Variants in CABLES1 observed in about 807,000 individuals in gnomAD.
CABLES1 encodes the protein CDK5 and ABL1 enzyme substrate 1.
Under a neutral mutation model 57.8 loss-of-function variants are expected in CABLES1, and 36 were observed. That is an observed-to-expected ratio of 0.62 (90% CI 0.48 to 0.82). The LOEUF is 0.82. CABLES1 is among the 40% of genes least tolerant of loss of function. The pLI, the probability that CABLES1 is intolerant of heterozygous loss-of-function variation, is 0.00. For synonymous variants in CABLES1, 374 were observed against 363.0 expected (o/e 1.03, Z -0.35); for missense variants, 767 against 836.6 (o/e 0.92, Z 1.03).
rs573079087 is a variant in CABLES1 at position 23,253,745 on chromosome 18, C to T, written c.1570C>T (p.Arg524Trp). 31 of 1,614,074 alleles carry T rather than the reference C, an allele frequency of 1.9e-5. No homozygotes were observed. The highest frequency in any genetic ancestry group is 5.0e-5 in the Admixed American group (3 of 60,020). ...SKIRSLKREMRKLAQEDCGLE... is the reference protein window; with the variant it reads ...SKIRSLKREMWKLAQEDCGLE... ...TTTCTCCAGTCTGAAACGAGAGATG[C>T]GGAAGCTTGCGCAGGAGGACTGTGG... The change falls in exon 9 of 10, where the codon CGG (arginine) becomes TGG (tryptophan). Residue 524 changes from arginine (R) to tryptophan (W), a missense_variant. Physicochemically the swap from Arg to Trp is moderately radical, Grantham distance 101. This residue lies in a region of CABLES1 where 529 missense variants were observed against 622.8 expected (regional missense o/e 0.85). Coordinates refer to ENST00000256925, the MANE Select transcript of CABLES1 (RefSeq NM_001100619.3).
chr18:23,187,049 C>T (rs780960063), intron 1 of CABLES1, among the ~76,000 whole-genome samples: 29 of 152,178 alleles, frequency 1.9e-4, no homozygotes, highest in Non-Finnish European at 3.2e-4. Context: ...AGCTCTGTCC[C>T]CTGAGTTACG....
At chr18:23,238,607 C>G (rs1026375248) in intron 7 of CABLES1, among the ~76,000 whole-genome samples, 1 of 152,206 alleles carries the variant, frequency 6.6e-6, no homozygotes, top group Admixed American at 6.5e-5. Context: ...AATAAGTGTT[C>G]AATAAATGAC....
intron 2 of CABLES1, chr18:23,190,407 G>A (rs1292250140): frequency 6.6e-6 from 1 of 152,210 alleles, no homozygotes. Flanking sequence ...AGGAAACCGG[G>A]TGACTCGGGG....
chr18:23,165,543 C>T (rs2047036524), intron 1 of CABLES1, among the ~76,000 whole-genome samples: 1 of 152,016 alleles, frequency 6.6e-6, no homozygotes, highest in Non-Finnish European at 1.5e-5. Context: ...CCCCCAGTCC[C>T]TGGCAACCAC....
At chr18:23,233,703 G>C (rs181420679) in intron 4 of CABLES1, among the ~76,000 whole-genome samples, 1 of 152,188 alleles carries the variant, frequency 6.6e-6, no homozygotes, top group African/African-American at 2.4e-5. Flanking sequence ...ACAGAGCAAG[G>C]CTTCATCCCT....
intron 3 of CABLES1, among the ~76,000 whole-genome samples, chr18:23,205,025 C>G (rs1351077533): frequency 3.3e-5 from 5 of 152,160 alleles, no homozygotes; most frequent in African/African-American, 1.2e-4. Context: ...AGACATCAGT[C>G]CTTGGTCTGC....
chr18:23,155,497 T>G (rs4308051), intron 1 of CABLES1, among the ~76,000 whole-genome samples: 123,029 of 152,244 alleles, frequency 0.81, 50,090 homozygotes, highest in African/African-American at 0.88. Flanking sequence ...GATGCCCAAG[T>G]GAGGAAGTCT....
Position 23,246,627 on chromosome 18 carries a change from G to A in CABLES1, c.1447-6333G>A, listed in dbSNP as rs372445228. Reference sequence around the variant, plus strand: ...AGGATGGTCTCGATCTCCTGACCTTGTGATCCGCCCACCTTGGCCTCCCAA... The same window carrying A: ...AGGATGGTCTCGATCTCCTGACCTTATGATCCGCCCACCTTGGCCTCCCAA... On this transcript the variant is annotated intron_variant, in intron 7 of 9. Transcript: ENST00000256925. Among the ~76,000 whole-genome samples the A allele has an allele frequency of 3.6e-4, 54 of 151,464 alleles. 1 individual carries two copies. In the East Asian group the frequency reaches 4.1e-3, roughly 11 times the overall value.
intron 1 of CABLES1, among the ~76,000 whole-genome samples, chr18:23,182,544 A>G (rs2047174743): frequency 6.6e-6 from 1 of 152,222 alleles, no homozygotes; most frequent in Non-Finnish European, 1.5e-5. Flanking sequence ...CCACACCCGG[A>G]CCAGTAAATC....
At chr18:23,252,142 A>G (rs745511959) in intron 7 of CABLES1, among the ~76,000 whole-genome samples, 29 of 152,190 alleles carry the variant, frequency 1.9e-4, no homozygotes, top group Admixed American at 1.6e-3. Context: ...AAAAGGACAA[A>G]TAGACGATTC....
At chr18:23,208,461 C>T (rs929796045) in intron 3 of CABLES1, among the ~76,000 whole-genome samples, 3 of 152,216 alleles carry the variant, frequency 2.0e-5, no homozygotes, top group African/African-American at 7.2e-5. Context: ...CTTCTTCCAG[C>T]TTTTAATAAA....
At chr18:23,180,853 G>T (rs925823694) in intron 1 of CABLES1, among the ~76,000 whole-genome samples, 2 of 152,174 alleles carry the variant, frequency 1.3e-5, no homozygotes, top group Non-Finnish European at 2.9e-5. Flanking sequence ...GGGGGATGGA[G>T]GGATGCAAGA....
intron 3 of CABLES1, chr18:23,196,964 G>A (rs538343351): frequency 6.6e-6 from 1 of 152,336 alleles, no homozygotes; most frequent in African/African-American, 2.4e-5. Context: ...AGGCTCCCGC[G>A]TCCCCAGACC....
At chr18:23,147,758 C>T (rs1191660906) in intron 1 of CABLES1, among the ~76,000 whole-genome samples, 3 of 152,118 alleles carry the variant, frequency 2.0e-5, no homozygotes, top group South Asian at 2.1e-4. Flanking sequence ...CATCCTTGTA[C>T]CTTTAGAGCA....
chr18:23,143,426 G>T (rs1598795660), intron 1 of CABLES1, among the ~76,000 whole-genome samples: 1 of 152,224 alleles, frequency 6.6e-6, no homozygotes, highest in South Asian at 2.1e-4. Flanking sequence ...AGCTCTGCTG[G>T]GTCCTCGTCT....
intron 3 of CABLES1, among the ~76,000 whole-genome samples, chr18:23,209,879 G>T (rs184599085): frequency 6.7e-6 from 1 of 149,380 alleles, no homozygotes; most frequent in Non-Finnish European, 1.5e-5. Flanking sequence ...GTCACCTTGC[G>T]GGGGGGCGGT....
intron 4 of CABLES1, among the ~76,000 whole-genome samples, chr18:23,220,903 G>C (rs543748035): frequency 5.3e-5 from 8 of 152,308 alleles, no homozygotes; most frequent in Non-Finnish European, 1.2e-4. Flanking sequence ...GGTGTGTGGA[G>C]TGTGTGGAGC....
chr18:23,199,599 C>A (rs1292033121), intron 3 of CABLES1, among the ~76,000 whole-genome samples: 2 of 152,132 alleles, frequency 1.3e-5, no homozygotes, highest in Admixed American at 6.5e-5. Flanking sequence ...CACAAAAGGT[C>A]AAATGTCATA....
At position 23,255,397 on chromosome 18, in the gene CABLES1, A is replaced by G. The variant is rs9956303; in HGVS notation, c.1761+1461A>G. 6.8e-3 allele frequency among the ~76,000 whole-genome samples: 1,033 copies of G among 152,302 alleles called. 8 individuals carry two copies. The highest frequency in any genetic ancestry group is 0.023 in the African/African-American group (974 of 41,546). On this transcript the variant is annotated intron_variant, in intron 9 of 9. Coordinates refer to ENST00000256925, the MANE Select transcript of CABLES1 (RefSeq NM_001100619.3). Reference sequence around the variant, plus strand: ...AGGGCACTAAGGTAGGTACTCCCCAATTGAAAAGAGTATTTTTTAGGTCGG... The same window carrying G: ...AGGGCACTAAGGTAGGTACTCCCCAGTTGAAAAGAGTATTTTTTAGGTCGG...
Sources: allele counts gnomAD v4.1 joint callset (sites outside exome capture counted in the v4.1 genomes callset), GRCh38; gene constraint gnomAD v4.1.1; regional missense constraint gnomAD v4.1.1; transcripts MANE v1.5; gene names NCBI Gene and HGNC (gene_info 2026-07-23, HGNC 2026-07-21).